Variants in RANBP17 observed in about 807,000 individuals in gnomAD.
The protein encoded by RANBP17 is ran-binding protein 17.
A neutral mutation model predicts 141.2 loss-of-function variants in RANBP17; 158 were observed. The ratio of observed to expected loss-of-function variants is 1.12; its 90% confidence interval spans 0.98 to 1.28. The LOEUF (loss-of-function observed/expected upper bound fraction) is 1.28. Ranked by LOEUF, RANBP17 falls within the 50% of genes most tolerant of loss-of-function variation. RANBP17 has a pLI of 0.00. For missense variants in RANBP17, 1,438 were observed against 1,290.7 expected, an observed-to-expected ratio of 1.11 and a Z score of -1.75; for synonymous variants, 430 against 450.0, an observed-to-expected ratio of 0.96 and a Z score of 0.56.
At chr5:170,960,355 T>C (rs778413777) in intron 13 of RANBP17, among the ~76,000 whole-genome samples, 1 of 152,202 alleles carries the variant, frequency 6.6e-6, no homozygotes, top group Non-Finnish European at 1.5e-5. Context: ...TAAACACCTA[T>C]TGGGCTGTTT....
intron 12 of RANBP17, among the ~76,000 whole-genome samples, chr5:170,943,181 TGTA>T (rs1352790863): frequency 1.3e-5 from 2 of 152,158 alleles, no homozygotes; most frequent in African/African-American, 4.8e-5. Flanking sequence ...ATACACTGTG[TGTA>T]GTAGTATTAG....
At chr5:171,007,424 T>G (rs1779723534) in intron 14 of RANBP17, among the ~76,000 whole-genome samples, 1 of 151,962 alleles carries the variant, frequency 6.6e-6, no homozygotes, top group Non-Finnish European at 1.5e-5. Flanking sequence ...AGTTGGAGCC[T>G]GATTCAGCCT....
intron 14 of RANBP17, among the ~76,000 whole-genome samples, chr5:171,012,166 G>A (rs1780104311): frequency 6.6e-6 from 1 of 151,706 alleles, no homozygotes; most frequent in Non-Finnish European, 1.5e-5. Context: ...AATACTGTGT[G>A]GCTGAGGAAA....
chr5:171,035,016 GC>G (rs1561577440), intron 14 of RANBP17, among the ~76,000 whole-genome samples: 1 of 151,662 alleles, frequency 6.6e-6, no homozygotes, highest in Non-Finnish European at 1.5e-5. Context: ...TGGACATATG[GC>G]TATAAATAAA....
At chr5:170,937,012 C>T (rs577554670) in intron 12 of RANBP17, among the ~76,000 whole-genome samples, 1 of 152,282 alleles carries the variant, frequency 6.6e-6, no homozygotes, top group Non-Finnish European at 1.5e-5. Context: ...TACTTCCTGC[C>T]TGCCTGTGTC....
rs542834750 is a variant in RANBP17, at chr5:171,062,634, T to C, written c.1710+94257T>C. On this transcript the variant is annotated intron_variant, in intron 14 of 27. Transcript: ENST00000523189. ...AACTTTGGTGAATCTGACAATTATG[T>C]GTCTTGGAGTTGCTCTTCTCGAGGG... Among the ~76,000 whole-genome samples the C allele has an allele frequency of 1.8e-4, 27 of 152,272 alleles. No individual in the cohort carries two copies. In the East Asian group the frequency reaches 4.8e-3, roughly 27 times the overall value.
At chr5:170,882,586 A>G (rs1768802524) in intron 3 of RANBP17, among the ~76,000 whole-genome samples, 1 of 152,152 alleles carries the variant, frequency 6.6e-6, no homozygotes, top group South Asian at 2.1e-4. Context: ...AAGCTACTCT[A>G]CCTGTTTAGA....
At chr5:171,170,281 C>A in intron 15 of RANBP17, 78 bp downstream of exon 15, 3 of 579,230 alleles carry the variant, frequency 5.2e-6, no homozygotes, top group South Asian at 3.9e-5. Context: ...GTATTTAAAC[C>A]TTTTTATATA....
intron 7 of RANBP17, among the ~76,000 whole-genome samples, chr5:170,913,391 A>T (rs969139439): frequency 6.6e-6 from 1 of 152,016 alleles, no homozygotes; most frequent in Non-Finnish European, 1.5e-5. Context: ...GATGGTGTGG[A>T]ACATGTTATG....
At chr5:171,294,555 A>G (rs1379073702) in intron 26 of RANBP17, among the ~76,000 whole-genome samples, 1 of 152,242 alleles carries the variant, frequency 6.6e-6, no homozygotes, top group Non-Finnish European at 1.5e-5. Context: ...CTATACAATA[A>G]GATAGTACTG....
At chr5:171,006,057 C>A (rs928033151) in intron 14 of RANBP17, among the ~76,000 whole-genome samples, 2 of 152,080 alleles carry the variant, frequency 1.3e-5, no homozygotes, top group African/African-American at 4.8e-5. Context: ...TACCATCTCA[C>A]ACCAGTTAGA....
intron 12 of RANBP17, among the ~76,000 whole-genome samples, chr5:170,947,293 T>G (rs1215507358): frequency 6.6e-6 from 1 of 152,146 alleles, no homozygotes; most frequent in Non-Finnish European, 1.5e-5. Flanking sequence ...CAGTAACCCA[T>G]ATCTGTTGAT....
intron 14 of RANBP17, among the ~76,000 whole-genome samples, chr5:171,059,303 C>T (rs968203238): frequency 3.3e-5 from 5 of 152,192 alleles, no homozygotes; most frequent in African/African-American, 1.2e-4. Flanking sequence ...TTAGGTCTAA[C>T]ATTTAAGTCT....
At chr5:171,262,471 A>C (rs1219698701) in intron 24 of RANBP17, among the ~76,000 whole-genome samples, 2 of 152,188 alleles carry the variant, frequency 1.3e-5, no homozygotes, top group Non-Finnish European at 2.9e-5. Context: ...TAATCAATCA[A>C]ATGCCATGTC....
chr5:171,276,985 A>AC (rs1194597824), intron 25 of RANBP17, among the ~76,000 whole-genome samples: 3 of 148,512 alleles, frequency 2.0e-5, no homozygotes, highest in Non-Finnish European at 1.5e-5. Context: ...TTAAATACTA[A>AC]CCCCAACTCT....
intron 14 of RANBP17, among the ~76,000 whole-genome samples, chr5:171,020,514 T>C (rs1195769873): frequency 2.0e-5 from 3 of 152,218 alleles, no homozygotes; most frequent in Admixed American, 1.3e-4. Flanking sequence ...CCTTTGCCAT[T>C]ACGTAATGCC....
At chr5:171,246,810 T>C (rs1326372050) in intron 24 of RANBP17, among the ~76,000 whole-genome samples, 1 of 152,212 alleles carries the variant, frequency 6.6e-6, no homozygotes, top group African/African-American at 2.4e-5. Flanking sequence ...TGTGTGACCA[T>C]GGGCACATGT....
intron 13 of RANBP17, among the ~76,000 whole-genome samples, chr5:170,962,078 C>T (rs3849709): frequency 0.61 from 93,110 of 152,030 alleles, 29,895 homozygotes; most frequent in South Asian, 0.89. Flanking sequence ...AGTGTAACAA[C>T]AAGATGGAAG....
intron 14 of RANBP17, among the ~76,000 whole-genome samples, chr5:171,160,771 G>A (rs968701106): frequency 2.0e-5 from 3 of 152,062 alleles, no homozygotes; most frequent in Non-Finnish European, 4.4e-5. Context: ...AGTGCTTCAT[G>A]GGAAACAGTA....
Sources: allele counts gnomAD v4.1 joint callset (sites outside exome capture counted in the v4.1 genomes callset), GRCh38; gene constraint gnomAD v4.1.1; transcripts MANE v1.5; gene names NCBI Gene and HGNC (gene_info 2026-07-23, HGNC 2026-07-21).